The following TNFSF13B variants were observed in gnomAD, a reference collection of about 807,000 sequenced individuals.
TNFSF13B encodes the protein tumor necrosis factor ligand superfamily member 13B.
In TNFSF13B, 8 loss-of-function variants were observed where a neutral mutation model predicts 29.1. That is an observed-to-expected ratio of 0.27 (90% confidence interval 0.16 to 0.50). The LOEUF (loss-of-function observed/expected upper bound fraction) is 0.50. TNFSF13B is among the 20% of genes least tolerant of loss of function. The probability of loss-of-function intolerance (pLI) is 0.98; values close to 1 mark genes in which losing one functional copy is unlikely to be tolerated. For missense variants in TNFSF13B, 248 were observed against 334.9 expected (o/e 0.74, Z 2.03); for synonymous variants, 125 against 130.8 (o/e 0.96, Z 0.30).
chr13:108,293,135 A>T (rs1351836168), intron 3 of TNFSF13B, among the ~76,000 whole-genome samples: 1 of 152,138 alleles, frequency 6.6e-6, no homozygotes, highest in African/African-American at 2.4e-5. Context: ...ATCTTTTAGC[A>T]TGAGGATATC....
chr13:108,291,053 T>C (rs920701044), intron 3 of TNFSF13B, among the ~76,000 whole-genome samples: 1 of 151,926 alleles, frequency 6.6e-6, no homozygotes, highest in African/African-American at 2.4e-5. Flanking sequence ...CCATGTTTAG[T>C]CTATGTTTTT....
At position 108,270,189 on chromosome 13, in the gene TNFSF13B, C is replaced by T; in HGVS notation, c.294C>T (p.Pro98=). 1 of 1,602,062 alleles carries T rather than the reference C, an allele frequency of 6.2e-7. No individual in the cohort carries two copies. The highest frequency in any genetic ancestry group is 1.3e-5 in the African/African-American group (1 of 75,004). The change falls in exon 1 of 6, where the codon CCC becomes CCT. Residue 98 remains proline, a synonymous_variant. Transcript: ENST00000375887. ...AEKLPAGAGA[P]KAGLEEAPAV... ...AGCTGCCAGCAGGAGCAGGAGCCCC[C>T]AAGGCCGGCCTGGAGGAAGCTCCAG...
intron 3 of TNFSF13B, among the ~76,000 whole-genome samples, chr13:108,296,426 A>T (rs1297472092): frequency 6.9e-6 from 1 of 145,444 alleles, no homozygotes. Flanking sequence ...TGCTATTTGC[A>T]AGGAGGCATA....
At chr13:108,304,446 A>G (rs1224148) in intron 5 of TNFSF13B, among the ~76,000 whole-genome samples, 117,057 of 152,174 alleles carry the variant, frequency 0.77, 45,307 homozygotes, top group East Asian at 0.92. Context: ...TGCACCCAGG[A>G]GCAGTGAGAG....
At position 108,284,999 on chromosome 13, in the gene TNFSF13B, G is replaced by A. The variant is rs971566287; in HGVS notation, c.425-1804G>A. On this transcript the variant is annotated intron_variant, in intron 2 of 5. Coordinates refer to ENST00000375887, the MANE Select transcript of TNFSF13B (RefSeq NM_006573.5). ...GCTTTTCCATACTTCCAGCAGAACA[G>A]AGTCTGCCATAGTGACTAACGAATC... Among the ~76,000 whole-genome samples the A allele has an allele frequency of 2.6e-5, 4 of 152,124 alleles. No homozygotes were observed. In the East Asian group the frequency reaches 7.7e-4, roughly 29 times the overall value.
intron 2 of TNFSF13B, among the ~76,000 whole-genome samples, chr13:108,274,468 C>T (rs1055782708): frequency 1.3e-5 from 2 of 151,504 alleles, no homozygotes; most frequent in African/African-American, 4.9e-5. Context: ...TTTCACAAAT[C>T]CAAGGTGGAA....
chr13:108,282,262 G>A (rs1594521390), intron 2 of TNFSF13B, among the ~76,000 whole-genome samples: 1 of 148,098 alleles, frequency 6.8e-6, no homozygotes, highest in Non-Finnish European at 1.5e-5. Context: ...TGTGTGTAAT[G>A]TTTTTCATGG....
rs192356028 is a variant in TNFSF13B, at chr13:108,288,596, T to C, written c.481+1737T>C. On this transcript the variant is annotated intron_variant, in intron 3 of 5. Coordinates refer to ENST00000375887, the MANE Select transcript of TNFSF13B (RefSeq NM_006573.5). ...AATGAAGTATGATTTCTCCTGAATGTATGTGGCTTTCACACCTTTGTAAAG... is the reference window on the plus strand; with the variant it reads ...AATGAAGTATGATTTCTCCTGAATGCATGTGGCTTTCACACCTTTGTAAAG... Among the ~76,000 whole-genome samples, 31 of 152,330 alleles carry C rather than the reference T, an allele frequency of 2.0e-4. No homozygotes were observed. In the Middle Eastern group the frequency reaches 0.024, roughly 117 times the overall value.
intron 2 of TNFSF13B, among the ~76,000 whole-genome samples, chr13:108,284,551 C>T (rs1173313990): frequency 6.6e-6 from 1 of 152,154 alleles, no homozygotes; most frequent in Non-Finnish European, 1.5e-5. Context: ...ACTACTGATA[C>T]AAATAGTCAA....
chr13:108,286,438 A>G (rs1420274944), intron 2 of TNFSF13B, among the ~76,000 whole-genome samples: 1 of 152,116 alleles, frequency 6.6e-6, no homozygotes, highest in African/African-American at 2.4e-5. Flanking sequence ...TTTTAAAACC[A>G]AAGATTGTTT....
intron 2 of TNFSF13B, among the ~76,000 whole-genome samples, chr13:108,281,777 G>T (rs1880964541): frequency 6.6e-6 from 1 of 152,010 alleles, no homozygotes; most frequent in African/African-American, 2.4e-5. Flanking sequence ...GCTTATCGTT[G>T]GTCAACCTTA....
At chr13:108,297,466 G>A (rs1040628047) in intron 3 of TNFSF13B, among the ~76,000 whole-genome samples, 1 of 145,322 alleles carries the variant, frequency 6.9e-6, no homozygotes, top group Non-Finnish European at 1.5e-5. Flanking sequence ...AATTTTCTTA[G>A]ATGTGTACAT....
At chr13:108,295,282 C>G (rs1472624606) in intron 3 of TNFSF13B, among the ~76,000 whole-genome samples, 1 of 145,366 alleles carries the variant, frequency 6.9e-6, no homozygotes, top group Non-Finnish European at 1.5e-5. Flanking sequence ...TCAGGCGATT[C>G]TCCTGCCTCA....
chr13:108,275,431 A>G (rs1161161327), intron 2 of TNFSF13B, among the ~76,000 whole-genome samples: 1 of 152,114 alleles, frequency 6.6e-6, no homozygotes, highest in Non-Finnish European at 1.5e-5. Context: ...ATTAATAACT[A>G]TTAGAAATTT....
Position 108,270,006 on chromosome 13 carries a change from C to G in TNFSF13B, c.111C>G (p.Pro37=), listed in dbSNP as rs1374106244. 1 of 1,613,300 alleles carries G rather than the reference C, an allele frequency of 6.2e-7. No homozygotes were observed. The highest frequency in any genetic ancestry group is 1.1e-5 in the South Asian group (1 of 91,080). Residue 37 remains proline, a synonymous_variant, in exon 1 of 6, where the codon CCC becomes CCG. Transcript: ENST00000375887. ...CVSILPRKES[P]SVRSSKDGKL... The stretch of plus-strand genomic sequence containing the variant: ...CCATCCTCCCACGGAAGGAAAGCCC[C>G]TCTGTCCGATCCTCCAAAGACGGAA...
intron 3 of TNFSF13B, 36 bp from the exon 4 acceptor site, chr13:108,303,217 G>T: frequency 3.5e-6 from 5 of 1,436,496 alleles, no homozygotes; most frequent in East Asian, 2.4e-5. Context: ...TGCTTTTCTT[G>T]GTTTCTTTCC....
intron 2 of TNFSF13B, among the ~76,000 whole-genome samples, chr13:108,272,483 G>A (rs1198264158): frequency 2.0e-5 from 3 of 152,016 alleles, no homozygotes; most frequent in African/African-American, 7.2e-5. Flanking sequence ...ATAGTTGAGT[G>A]TTTTGTTTTA....
intron 2 of TNFSF13B, among the ~76,000 whole-genome samples, chr13:108,273,870 C>T (rs923093666): frequency 6.6e-5 from 10 of 152,014 alleles, no homozygotes; most frequent in African/African-American, 1.5e-4. Context: ...AGGTTTGAAC[C>T]GCGAGGGTCC....
At chr13:108,279,131 G>A (rs1003379251) in intron 2 of TNFSF13B, among the ~76,000 whole-genome samples, 14 of 152,116 alleles carry the variant, frequency 9.2e-5, no homozygotes, top group African/African-American at 3.4e-4. Context: ...TTAGTGACTG[G>A]TTTTTAAGAA....
Sources: gnomAD v4.1 joint callset for allele counts (sites outside exome capture counted in the v4.1 genomes callset) on GRCh38, gnomAD v4.1.1 for gene constraint, MANE v1.5 for transcripts, NCBI Gene and HGNC (gene_info 2026-07-23, HGNC 2026-07-21) for gene names.